The following PWWP2A variants were observed in gnomAD, a reference collection of about 807,000 sequenced individuals.
PWWP2A encodes the protein PWWP domain-containing protein 2A.
PWWP2A carries 18 observed loss-of-function variants against 48.5 expected under a neutral mutation model. The ratio of observed to expected loss-of-function variants is 0.37; its 90% CI spans 0.26 to 0.55. The LOEUF (loss-of-function observed/expected upper bound fraction) is 0.55, where lower values mean the gene tolerates loss of function less well. PWWP2A is among the 20% of genes least tolerant of loss of function. The pLI is 0.81. For missense variants in PWWP2A, 867 were observed against 976.4 expected (o/e 0.89, Z 1.49); for synonymous variants, 396 against 387.7 (o/e 1.02, Z -0.25).
chr5:160,065,217 T>C, intron 4 of PWWP2A: 1 of 1,072,334 alleles, frequency 9.3e-7, no homozygotes, highest in Non-Finnish European at 1.4e-6. Context: ...GTCCCTCTTT[T>C]ATGATCAGGG....
chr5:160,057,165 T>G (rs935465232), downstream of PWWP2A, among the ~76,000 whole-genome samples: 5 of 152,224 alleles, frequency 3.3e-5, no homozygotes, highest in Non-Finnish European at 7.3e-5. The surrounding 1 kb of genome is among the most constrained non-coding windows in gnomAD (Gnocchi z 4.4). Flanking sequence ...CATTTCCTAA[T>G]TGCTATCCTG....
rs576504085 is a variant in PWWP2A, at chr5:160,117,089, AAAATAAAT to A, written c.584+1708_584+1715del. On this transcript the variant is annotated intron_variant, in intron 1 of 1. Transcript: ENST00000307063. ...ACAACAAGAGCGAAACTCTGTCTCA[AAAATAAAT>A]AAATAAATAAATAAATAAAATACAT... 4.2e-4 allele frequency among the ~76,000 whole-genome samples: 64 copies of A among 152,076 alleles called. 2 individuals carry two copies. Among genetic ancestry groups the A allele is most frequent in the Non-Finnish European group, 1.5e-4 (10 of 68,014 alleles).
chr5:160,050,098 G>A, the PWWP2A span, among the ~76,000 whole-genome samples: 1 of 152,100 alleles, frequency 6.6e-6, no homozygotes, highest in African/African-American at 2.4e-5. Flanking sequence ...GCAGTGAGCT[G>A]TGACTACATC....
chr5:160,085,873 C>T (rs1040749369), intron 2 of PWWP2A, among the ~76,000 whole-genome samples: 4 of 149,772 alleles, frequency 2.7e-5, no homozygotes, highest in African/African-American at 4.9e-5. Flanking sequence ...GGCTGGAATG[C>T]AGCGGCACAA....
intron 1 of PWWP2A, among the ~76,000 whole-genome samples, chr5:160,116,053 TTCC>T (rs1758107103): frequency 6.6e-6 from 1 of 152,098 alleles, no homozygotes. Context: ...AGTGTTTTAT[TTCC>T]TCAACATTTC....
chr5:160,113,113 C>T, intron 1 of PWWP2A: 2 of 475,800 alleles, frequency 4.2e-6, no homozygotes, highest in Non-Finnish European at 5.5e-6. Context: ...AGCCGAAGTC[C>T]CGCCACTGCA....
intron 1 of PWWP2A, among the ~76,000 whole-genome samples, chr5:160,096,239 G>T (rs1394707825): frequency 2.0e-5 from 3 of 151,954 alleles, no homozygotes; most frequent in Non-Finnish European, 4.4e-5. Context: ...TTTACCTACG[G>T]TAAGACAAGA....
At chr5:160,101,655 T>TG (rs1756307064) in intron 1 of PWWP2A, among the ~76,000 whole-genome samples, 3 of 94,156 alleles carry the variant, frequency 3.2e-5, no homozygotes, top group Admixed American at 3.0e-4. Flanking sequence ...TACATTTTGT[T>TG]ATTTTTTTTT....
chr5:160,102,939 G>A (rs938633041), intron 1 of PWWP2A, among the ~76,000 whole-genome samples: 8 of 152,092 alleles, frequency 5.3e-5, no homozygotes, highest in African/African-American at 9.7e-5. Flanking sequence ...AATTTTTATC[G>A]GAAAAATTGA....
At chr5:160,103,900 T>C (rs1011845653) in intron 1 of PWWP2A, among the ~76,000 whole-genome samples, 2 of 151,552 alleles carry the variant, frequency 1.3e-5, no homozygotes, top group African/African-American at 2.4e-5. Flanking sequence ...GGTGGGTGGA[T>C]CACTTGAGAC....
downstream of PWWP2A, among the ~76,000 whole-genome samples, chr5:160,089,075 A>C (rs965308689): frequency 1.3e-5 from 2 of 152,196 alleles, no homozygotes; most frequent in Non-Finnish European, 2.9e-5. Context: ...TCAACTTAGT[A>C]CTAATCTACA....
chr5:160,051,830 T>C, the PWWP2A span, among the ~76,000 whole-genome samples: 1 of 152,238 alleles, frequency 6.6e-6, no homozygotes, highest in Non-Finnish European at 1.5e-5. Context: ...ACATGTAACC[T>C]GTCTGATATT....
chr5:160,087,757 T>C (rs145711456), downstream of PWWP2A, among the ~76,000 whole-genome samples: 2 of 152,280 alleles, frequency 1.3e-5, no homozygotes, highest in African/African-American at 4.8e-5. Context: ...CAGTGCTCCA[T>C]TAATATAACA....
the PWWP2A span, among the ~76,000 whole-genome samples, chr5:160,050,144 G>T: frequency 2.0e-5 from 3 of 151,950 alleles, no homozygotes; most frequent in African/African-American, 7.3e-5. Context: ...GTAAGACTTT[G>T]TATCTTAAAA....
rs61038902 is a variant in PWWP2A at position 160,092,333 on chromosome 5, G to A, written c.*49C>T. ...GTAGAAATTATTCCTAACTAGACTAGAAAATCTGTGGTGACTTCCAATGGT... is the reference window on the plus strand; with the variant it reads ...GTAGAAATTATTCCTAACTAGACTAAAAAATCTGTGGTGACTTCCAATGGT... On this transcript the variant is annotated 3_prime_UTR_variant, in exon 2 of 2. Transcript: ENST00000307063. 1.7e-3 allele frequency: 2,510 copies of A among 1,476,142 alleles called. 44 individuals carry two copies. In the African/African-American group the frequency reaches 0.032, roughly 19 times the overall value. The allele number at this position is 1,476,142 out of a possible 1,614,324, so 91.4% of individuals were successfully genotyped here. A position where few individuals can be genotyped will look rare whatever the true frequency, so the allele number is the denominator to read the frequency against.
the PWWP2A span, among the ~76,000 whole-genome samples, chr5:160,048,016 C>T: frequency 6.6e-6 from 1 of 150,590 alleles, no homozygotes; most frequent in Non-Finnish European, 1.5e-5. Flanking sequence ...CAGAGACATA[C>T]TACATTGGAC....
chr5:160,118,593 C>T (rs1242311555), intron 1 of PWWP2A, among the ~76,000 whole-genome samples: 1 of 152,186 alleles, frequency 6.6e-6, no homozygotes, highest in African/African-American at 2.4e-5. Context: ...TGGTGGCACA[C>T]CTGCCCCGCA....
intron 1 of PWWP2A, among the ~76,000 whole-genome samples, chr5:160,099,583 A>G (rs1456170827): frequency 1.3e-5 from 2 of 151,956 alleles, no homozygotes; most frequent in Non-Finnish European, 2.9e-5. Context: ...TGCCTTCCAT[A>G]GTGCTGGGAT....
At chr5:160,108,752 C>T in intron 1 of PWWP2A, 4 of 408,400 alleles carry the variant, frequency 9.8e-6, no homozygotes, top group South Asian at 3.7e-5. Flanking sequence ...CCAACAGTAC[C>T]CCCATGTACA....
Sources: gnomAD v4.1 joint callset for allele counts (sites outside exome capture counted in the v4.1 genomes callset) on GRCh38, gnomAD v4.1.1 for gene constraint, Gnocchi (gnomAD v3.1) non-coding constraint, MANE v1.5 for transcripts, NCBI Gene and HGNC (gene_info 2026-07-23, HGNC 2026-07-21) for gene names.